Variants in ADGRF5 observed in about 807,000 individuals in gnomAD.
ADGRF5 encodes G-protein coupled receptor 116.
In ADGRF5, 75 loss-of-function variants were observed where a neutral mutation model predicts 132.3. The ratio of observed to expected loss-of-function variants is 0.57; its 90% CI spans 0.47 to 0.69. ADGRF5 has a LOEUF of 0.69. ADGRF5 is among the 30% of genes least tolerant of loss of function. The pLI, the probability that ADGRF5 is intolerant of heterozygous loss-of-function variation, is 0.00. For synonymous variants in ADGRF5, 629 were observed against 597.6 expected (o/e 1.05, Z -0.77); for missense variants, 1,516 against 1,630.6 (o/e 0.93, Z 1.21).
Position 46,854,049 on chromosome 6 carries a change from T to C in ADGRF5, c.3984A>G (p.Pro1328=). 1 of 1,602,916 alleles carries C rather than the reference T, an allele frequency of 6.2e-7. No individual in the cohort carries two copies. The highest frequency in any genetic ancestry group is 1.7e-5 in the Admixed American group (1 of 58,354). ...TTTCCAGGGATGAGCTGGTTGCTTC[T>C]GGGGTGGAAACATTATACGTTCCTG... The part of the protein sequence containing the change: ...GKTGTYNVST[P]EATSSSLENS... The change falls in exon 21 of 21, where the codon CCA becomes CCG. Residue 1328 remains proline, a synonymous_variant. Coordinates refer to ENST00000283296, the MANE Select transcript of ADGRF5 (RefSeq NM_001098518.2).
intron 10 of ADGRF5, among the ~76,000 whole-genome samples, chr6:46,877,271 CTTTCTTTCTTTCTTTCTT>C (rs1211313438): frequency 3.7e-3 from 161 of 43,006 alleles, no homozygotes; most frequent in Admixed American, 4.8e-3. Flanking sequence ...TTCTTTCTTT[CTTTCTTTCTTTCTTTCTT>C]TCTCTCTCTC....
chr6:46,886,090 G>A (rs1482855579), intron 4 of ADGRF5, among the ~76,000 whole-genome samples: 1 of 152,222 alleles, frequency 6.6e-6, no homozygotes, highest in Non-Finnish European at 1.5e-5. Flanking sequence ...TGAAATCAGA[G>A]TGCTTTGAAT....
At chr6:46,892,605 C>G (rs992577443) in intron 3 of ADGRF5, among the ~76,000 whole-genome samples, 3 of 152,036 alleles carry the variant, frequency 2.0e-5, no homozygotes, top group Admixed American at 1.3e-4. Flanking sequence ...CAAAAATTAG[C>G]TGGGTGTGAT....
chr6:46,905,409 G>C (rs561895464), intron 2 of ADGRF5: 1 of 152,028 alleles, frequency 6.6e-6, no homozygotes, highest in African/African-American at 2.4e-5. Context: ...AAAATGGAAA[G>C]AGGAAGAAAG....
intron 10 of ADGRF5, 71 bp from the exon 11 acceptor site, chr6:46,872,084 C>A (rs945979377): frequency 9.1e-6 from 10 of 1,099,454 alleles, no homozygotes; most frequent in Non-Finnish European, 1.3e-5. Flanking sequence ...GAGGTCAAAT[C>A]ATTTTTTTTT....
intron 6 of ADGRF5, among the ~76,000 whole-genome samples, 189 bp downstream of exon 6, chr6:46,883,370 G>A (rs757771332): frequency 6.6e-6 from 1 of 152,146 alleles, no homozygotes; most frequent in Non-Finnish European, 1.5e-5. Flanking sequence ...ATAGGTCAAG[G>A]TGAGTCACAC....
Position 46,883,607 on chromosome 6 carries a change from G to C in ADGRF5, c.564C>G (p.Asn188Lys). The change falls in exon 6 of 21, where the codon AAC becomes AAG. Residue 188 changes from asparagine (N) to lysine (K), a missense_variant. By Grantham distance (94) the Asn-to-Lys change is moderately conservative. Transcript: ENST00000283296. ...AGGACCTATAGAGGGCGGAGGAAGT[G>C]TTCATGAGGTCTTCTTGAAAGCCTA... Reference protein sequence around the residue: ...LNVGFQEDLMNTSSALYRSYK... With the variant: ...LNVGFQEDLMKTSSALYRSYK... 1 of 1,607,804 alleles carries C rather than the reference G, an allele frequency of 6.2e-7. No individual in the cohort carries two copies. Among genetic ancestry groups the C allele is most frequent in the Non-Finnish European group, 8.5e-7 (1 of 1,178,068 alleles).
At chr6:46,905,628 AC>A (rs1475645851) in intron 2 of ADGRF5, among the ~76,000 whole-genome samples, 2 of 152,212 alleles carry the variant, frequency 1.3e-5, no homozygotes, top group Non-Finnish European at 2.9e-5. Context: ...AAACACACAA[AC>A]AAAAGCAGAA....
chr6:46,860,954 A>C, intron 15 of ADGRF5, 60 bp from the exon 16 acceptor site: 1 of 1,368,488 alleles, frequency 7.3e-7, no homozygotes, highest in Non-Finnish European at 1.0e-6. Context: ...TATCGAATCC[A>C]GCTGATCCAT....
intron 9 of ADGRF5, among the ~76,000 whole-genome samples, 166 bp downstream of exon 9, chr6:46,879,652 A>G (rs1772224744): frequency 6.6e-6 from 1 of 152,232 alleles, no homozygotes; most frequent in South Asian, 2.1e-4. Context: ...GTAAAAATGG[A>G]CTAATACATA....
Position 46,871,858 on chromosome 6 carries a change from T to C in ADGRF5, c.1396A>G (p.Thr466Ala), listed in dbSNP as rs755362306. 3.4e-5 allele frequency: 54 copies of C among 1,597,340 alleles called. No individual in the cohort carries two copies. The highest frequency in any genetic ancestry group is 4.2e-5 in the Non-Finnish European group (49 of 1,167,176). ...GARGSANIKV[T>A]FISVANLTIT... The stretch of plus-strand genomic sequence containing the variant: ...GAGTCCTTACCCACAGAGATGAATG[T>C]CACTTTTATGTTTGCACTGCCTCTG... Residue 466 changes from threonine (T) to alanine (A), a missense_variant, in exon 11 of 21, where the codon ACA (threonine) becomes GCA (alanine). Transcript: ENST00000283296.
At chr6:46,931,780 A>G (rs909712255) in intron 1 of ADGRF5, among the ~76,000 whole-genome samples, 2 of 152,158 alleles carry the variant, frequency 1.3e-5, no homozygotes, top group African/African-American at 4.8e-5. Context: ...CTGTCACTAA[A>G]AGAATGACTA....
chr6:46,952,797 C>T (rs1439328223), intron 1 of ADGRF5, among the ~76,000 whole-genome samples: 1 of 152,132 alleles, frequency 6.6e-6, no homozygotes, highest in Admixed American at 6.6e-5. Flanking sequence ...ACCAATAACT[C>T]CTCAAGAGTC....
intron 1 of ADGRF5, among the ~76,000 whole-genome samples, chr6:46,920,660 C>G (rs979000784): frequency 1.3e-5 from 2 of 151,792 alleles, no homozygotes; most frequent in East Asian, 1.9e-4. Flanking sequence ...GTCAGGAGTT[C>G]GAGACCAACC....
intron 7 of ADGRF5, among the ~76,000 whole-genome samples, chr6:46,881,820 T>C (rs1022132499): frequency 1.3e-5 from 2 of 152,222 alleles, no homozygotes; most frequent in African/African-American, 4.8e-5. Context: ...ACTTATCCCT[T>C]ATCTTTGCTT....
intron 1 of ADGRF5, among the ~76,000 whole-genome samples, chr6:46,919,280 T>G (rs1406897030): frequency 2.0e-5 from 3 of 152,204 alleles, no homozygotes; most frequent in Non-Finnish European, 4.4e-5. Context: ...TTTCTTCTCA[T>G]CTCAGTCCTC....
At chr6:46,930,367 C>T (rs745766322) in intron 1 of ADGRF5, among the ~76,000 whole-genome samples, 1 of 152,114 alleles carries the variant, frequency 6.6e-6, no homozygotes. Flanking sequence ...AAGAAACTGC[C>T]CCTACTCTGA....
intron 1 of ADGRF5, among the ~76,000 whole-genome samples, chr6:46,941,323 T>C (rs1778036587): frequency 6.7e-6 from 1 of 148,320 alleles, no homozygotes; most frequent in Non-Finnish European, 1.5e-5. Flanking sequence ...GAGAGAAACC[T>C]TGTCAAGAAA....
rs751080249 is a variant in ADGRF5 at position 46,858,689 on chromosome 6, C to T, written c.3214G>A (p.Ala1072Thr). 54 of 1,613,966 alleles carry T rather than the reference C, an allele frequency of 3.3e-5. No individual in the cohort carries two copies. The highest frequency in any genetic ancestry group is 1.0e-4 in the Admixed American group (6 of 59,996). The change falls in exon 17 of 21, where the codon GCT (alanine) becomes ACT (threonine). Residue 1072 changes from alanine (A) to threonine (T), a missense_variant. By Grantham distance (58) the Ala-to-Thr change is moderately conservative (BLOSUM62 0). Coordinates refer to ENST00000283296, the MANE Select transcript of ADGRF5 (RefSeq NM_001098518.2). ...ATGTAGCGATTGTCCTGGATGGCAG[C>T]GACCACAATGAACCAGGTGTTGGCG... ...LVANTWFIVVAAIQDNRYILC... is the reference protein window; with the variant it reads ...LVANTWFIVVTAIQDNRYILC...
Sources: gnomAD v4.1 joint callset for allele counts (sites outside exome capture counted in the v4.1 genomes callset) on GRCh38, gnomAD v4.1.1 for gene constraint, MANE v1.5 for transcripts, NCBI Gene and HGNC (gene_info 2026-07-23, HGNC 2026-07-21) for gene names.